The following TTC23L variants were observed in gnomAD, a reference collection of about 807,000 sequenced individuals.
TTC23L encodes tetratricopeptide repeat protein 23-like.
In TTC23L, 42 loss-of-function variants were observed where a neutral mutation model predicts 48.1. The ratio of observed to expected loss-of-function variants is 0.87; its 90% CI spans 0.68 to 1.13. The LOEUF is 1.13. Among genes scored for constraint, TTC23L ranks in the 50% most tolerant of loss-of-function variants. TTC23L has a pLI of 0.00. For missense variants in TTC23L, 391 were observed against 421.0 expected (o/e 0.93, Z 0.62); for synonymous variants, 159 against 157.2 (o/e 1.01, Z -0.09).
intron 8 of TTC23L, among the ~76,000 whole-genome samples, chr5:34,874,838 T>C (rs12187266): frequency 0.053 from 8,003 of 152,064 alleles, 297 homozygotes; most frequent in South Asian, 0.11. Context: ...AGTAACAATA[T>C]GGTAAATGTT....
intron 7 of TTC23L, 90 bp downstream of exon 7, chr5:34,867,159 G>C: frequency 7.6e-7 from 1 of 1,307,346 alleles, no homozygotes. Flanking sequence ...CTTCTCAGAA[G>C]AACAAGGGCT....
At chr5:34,888,016 G>C (rs773321713) in intron 9 of TTC23L, among the ~76,000 whole-genome samples, 7 of 152,158 alleles carry the variant, frequency 4.6e-5, no homozygotes, top group Non-Finnish European at 8.8e-5. Flanking sequence ...CCTAATCTTC[G>C]ATGTGGTGGT....
intron 8 of TTC23L, among the ~76,000 whole-genome samples, chr5:34,875,886 G>A (rs887686010): frequency 7.9e-5 from 12 of 151,972 alleles, no homozygotes; most frequent in Non-Finnish European, 8.8e-5. Context: ...GACCACATTC[G>A]GGGCCATAAA....
chr5:34,848,710 T>C (rs1444198677), intron 3 of TTC23L, among the ~76,000 whole-genome samples: 2 of 151,938 alleles, frequency 1.3e-5, no homozygotes, highest in East Asian at 1.9e-4. Context: ...CAGCCCTACA[T>C]TGGAAGTTAG....
chr5:34,925,207 CTT>C, the TTC23L span: 22,255 of 1,275,608 alleles, frequency 0.017, no homozygotes, highest in South Asian at 0.032. Flanking sequence ...AGCATCTAAT[CTT>C]TTTTTTTTTT....
chr5:34,880,195 T>C, exon 9 of TTC23L: 2 of 1,611,806 alleles, frequency 1.2e-6, no homozygotes, highest in Non-Finnish European at 1.7e-6. Flanking sequence ...TGTTGAGATA[T>C]ATTTCATAAG....
chr5:34,883,098 A>G (rs946130629), intron 9 of TTC23L: 1 of 152,344 alleles, frequency 6.6e-6, no homozygotes, highest in African/African-American at 2.4e-5. Context: ...CACCCCTTAC[A>G]TGTTCTCTAG....
At chr5:34,846,594 T>TAC (rs1214529617) in intron 3 of TTC23L, among the ~76,000 whole-genome samples, 2 of 129,254 alleles carry the variant, frequency 1.5e-5, no homozygotes, top group African/African-American at 6.4e-5. Context: ...TATATATATA[T>TAC]ATATATACAC....
chr5:34,886,374 A>AAAC lies in TTC23L; in HGVS notation c.1077+6068_1077+6069insCAA, dbSNP rs1554022345. Among the ~76,000 whole-genome samples the AAAC allele has an allele frequency of 1.3e-4, 20 of 151,886 alleles. 1 individual carries two copies. The highest frequency in any genetic ancestry group is 1.2e-3 in the Admixed American group (19 of 15,260). On this transcript the variant is annotated intron_variant, in intron 9 of 10. Transcript: ENST00000505624. The stretch of plus-strand genomic sequence containing the variant: ...TTGCCAGGCTGATTTAAAAAAAAAA[A>AAAC]AAAAAAAAACGTTTTATCCCTCAGG...
chr5:34,880,943 T>C (rs1041276416), intron 9 of TTC23L, among the ~76,000 whole-genome samples: 1 of 152,062 alleles, frequency 6.6e-6, no homozygotes, highest in African/African-American at 2.4e-5. Flanking sequence ...CCCACCAGCA[T>C]TGCCTTTCTT....
chr5:34,922,576 C>A, the TTC23L span: 3 of 1,608,600 alleles, frequency 1.9e-6, no homozygotes, highest in African/African-American at 1.3e-5. Flanking sequence ...TGCTAAATTC[C>A]TTGTTCAAAA....
intron 4 of TTC23L, among the ~76,000 whole-genome samples, chr5:34,862,244 T>C (rs12109894): frequency 0.14 from 20,999 of 152,136 alleles, 1,689 homozygotes; most frequent in South Asian, 0.21. Flanking sequence ...CTCCCTGCAT[T>C]TAGCAATTGC....
At chr5:34,872,801 G>C (rs553435989) in intron 8 of TTC23L, among the ~76,000 whole-genome samples, 2 of 152,178 alleles carry the variant, frequency 1.3e-5, no homozygotes, top group African/African-American at 4.8e-5. Context: ...AGTGGCTCAC[G>C]CCTGTAATCC....
chr5:34,922,058 T>A, the TTC23L span: 1 of 423,944 alleles, frequency 2.4e-6, no homozygotes, highest in Non-Finnish European at 4.2e-6. Context: ...AGAGGAACTT[T>A]AAAGGTTCCT....
chr5:34,859,338 CAG>C (rs1760388118), intron 4 of TTC23L, among the ~76,000 whole-genome samples: 1 of 152,176 alleles, frequency 6.6e-6, no homozygotes, highest in Admixed American at 6.5e-5. Flanking sequence ...GTATCCGAAG[CAG>C]AGTTTTCTGT....
rs1245135077 is a variant in TTC23L at position 34,890,619 on chromosome 5, T to A, written c.1078-6151T>A. 2.6e-5 allele frequency among the ~76,000 whole-genome samples: 4 copies of A among 152,202 alleles called. No homozygotes were observed. In the East Asian group the frequency reaches 7.7e-4, roughly 29 times the overall value. Reference sequence around the variant, plus strand: ...AGGATACCTGTTCAGCAGGCAAGGCTCCAGAACCCATTTTACATGTGGGAA... The same window carrying A: ...AGGATACCTGTTCAGCAGGCAAGGCACCAGAACCCATTTTACATGTGGGAA... On this transcript the variant is annotated intron_variant, in intron 9 of 10. Coordinates refer to ENST00000505624, the Ensembl canonical transcript of TTC23L.
the TTC23L span, among the ~76,000 whole-genome samples, chr5:34,924,573 G>C: frequency 6.6e-6 from 1 of 152,100 alleles, no homozygotes; most frequent in Non-Finnish European, 1.5e-5. Flanking sequence ...AGTTTTTCAA[G>C]GATATATGCA....
At chr5:34,915,542 C>G in the TTC23L span, 3 of 608,806 alleles carry the variant, frequency 4.9e-6, no homozygotes, top group Non-Finnish European at 8.0e-6. Flanking sequence ...GGCCCTCCAC[C>G]TCGGCCACCG....
At chr5:34,895,685 GC>G (rs987176227) in intron 9 of TTC23L, among the ~76,000 whole-genome samples, 3 of 152,174 alleles carry the variant, frequency 2.0e-5, no homozygotes, top group African/African-American at 7.2e-5. Flanking sequence ...AAATGGAACA[GC>G]CTCTTTTGGG....
Sources: allele counts gnomAD v4.1 joint callset (sites outside exome capture counted in the v4.1 genomes callset), GRCh38; gene constraint gnomAD v4.1.1; transcripts MANE v1.5; gene names NCBI Gene and HGNC (gene_info 2026-07-23, HGNC 2026-07-21).